Variants in A1CF observed in about 807,000 individuals in gnomAD.
The protein encoded by A1CF is APOBEC1 complementation factor.
A neutral mutation model predicts 68.9 loss-of-function variants in A1CF; 48 were observed. The observed-to-expected ratio is 0.70, with a 90% confidence interval of 0.55 to 0.89. The LOEUF (loss-of-function observed/expected upper bound fraction) is 0.89, where lower values mean the gene tolerates loss of function less well. Among genes scored for constraint, A1CF ranks in the 40% least tolerant of loss-of-function variants. The pLI is 0.00. For synonymous variants in A1CF, 272 were observed against 260.4 expected, an observed-to-expected ratio of 1.04 and a Z score of -0.43; for missense variants, 653 against 718.9, an observed-to-expected ratio of 0.91 and a Z score of 1.05.
chr10:50,872,946 CTTTTTTTTTTTTTTTTTT>C (rs34770362), intron 1 of A1CF, among the ~76,000 whole-genome samples: 1 of 67,290 alleles, frequency 1.5e-5, no homozygotes, highest in Non-Finnish European at 2.8e-5. Flanking sequence ...ATTTAAGTTC[CTTTTTTTTTTTTTTTTTT>C]TTTTTTTTTG....
At chr10:50,830,751 A>G (rs1272569352) in intron 6 of A1CF, among the ~76,000 whole-genome samples, 2 of 152,218 alleles carry the variant, frequency 1.3e-5, no homozygotes, top group African/African-American at 4.8e-5. Context: ...TTTTTCACAG[A>G]AATAGAAAAT....
At chr10:50,879,093 A>G (rs1393870693) in intron 1 of A1CF, among the ~76,000 whole-genome samples, 1 of 152,130 alleles carries the variant, frequency 6.6e-6, no homozygotes, top group Admixed American at 6.5e-5. Flanking sequence ...CATCCCAACT[A>G]ATTTGTATTT....
chr10:50,859,389 A>C (rs1171305047), intron 3 of A1CF, among the ~76,000 whole-genome samples: 1 of 152,220 alleles, frequency 6.6e-6, no homozygotes, highest in Non-Finnish European at 1.5e-5. Flanking sequence ...TGGATGAGCA[A>C]GTGTTCTGAG....
intron 3 of A1CF, among the ~76,000 whole-genome samples, chr10:50,853,505 C>T (rs905161787): frequency 6.6e-6 from 1 of 152,006 alleles, no homozygotes; most frequent in Non-Finnish European, 1.5e-5. Flanking sequence ...AATTTTCTAT[C>T]TTTTCTATGA....
rs1284474296 is a variant in A1CF at position 50,836,172 on chromosome 10, T to G, written c.506A>C (p.Tyr169Ser). Residue 169 changes from tyrosine (Y) to serine (S), a missense_variant, in exon 6 of 13, where the codon TAC (tyrosine) becomes TCC (serine). Tyr to Ser is a moderately radical substitution (Grantham distance 144, BLOSUM62 -2). Coordinates refer to ENST00000373997, the MANE Select transcript of A1CF (RefSeq NM_014576.4). ...TTTGGTTTTATCTGCAGCGCTTGGG[T>G]AGACGATGACATCGACAACACCTTC... Reference protein sequence around the residue: ...VTEGVVDVIVYPSAADKTKNR... With the variant: ...VTEGVVDVIVSPSAADKTKNR... 6.2e-7 allele frequency: 1 copy of G among 1,613,986 alleles called. No individual in the cohort carries two copies. The highest frequency in any genetic ancestry group is 2.2e-5 in the East Asian group (1 of 44,864).
intron 1 of A1CF, among the ~76,000 whole-genome samples, chr10:50,869,120 G>C (rs920944538): frequency 6.6e-6 from 1 of 151,732 alleles, no homozygotes; most frequent in African/African-American, 2.4e-5. Flanking sequence ...ATCTGCACTT[G>C]TATCCCTGAA....
At chr10:50,860,740 T>G (rs150475317) in intron 2 of A1CF, among the ~76,000 whole-genome samples, 5 of 152,352 alleles carry the variant, frequency 3.3e-5, no homozygotes, top group African/African-American at 1.2e-4. Context: ...ACATTTTCTA[T>G]TTTGGGAACA....
At chr10:50,815,344 A>G (rs560656590) in intron 9 of A1CF, among the ~76,000 whole-genome samples, 2 of 152,358 alleles carry the variant, frequency 1.3e-5, no homozygotes, top group African/African-American at 4.8e-5. Flanking sequence ...TACAGGATTC[A>G]AATGTGAAAT....
At chr10:50,845,859 C>T (rs558212739) in intron 3 of A1CF, among the ~76,000 whole-genome samples, 10 of 150,470 alleles carry the variant, frequency 6.6e-5, no homozygotes, top group Non-Finnish European at 1.2e-4. Flanking sequence ...GAGTCTGAGG[C>T]ATGAGAATCA....
intron 3 of A1CF, among the ~76,000 whole-genome samples, chr10:50,857,963 C>T (rs758751888): frequency 6.6e-6 from 1 of 152,188 alleles, no homozygotes; most frequent in Non-Finnish European, 1.5e-5. Context: ...ACCTGTCAGG[C>T]CTGAGAGCCC....
Position 50,813,997 on chromosome 10 carries a change from C to A in A1CF, c.1183G>T (p.Ala395Ser). ...TATCCTCGACCCAGGCCTGTGTATGCCAAATAGCCACGGCCGCCCAGTCCT... is the reference window on the plus strand; with the variant it reads ...TATCCTCGACCCAGGCCTGTGTATGACAAATAGCCACGGCCGCCCAGTCCT... ...VRGLGGRGYL[A>S]YTGLGRGYQV... The change falls in exon 10 of 13, where the codon GCA becomes TCA. Residue 395 changes from alanine to serine, a missense_variant. Transcript: ENST00000373997. 6.2e-7 allele frequency: 1 copy of A among 1,613,788 alleles called. No individual in the cohort carries two copies. The highest frequency in any genetic ancestry group is 1.1e-5 in the South Asian group (1 of 91,076).
Position 50,831,882 on chromosome 10 carries a change from TGGTA to T in A1CF, c.605-3591_605-3588del, listed in dbSNP as rs369180826. 3.5e-4 allele frequency among the ~76,000 whole-genome samples: 53 copies of T among 152,260 alleles called. 2 individuals are homozygous for T. In the South Asian group the frequency reaches 9.9e-3, roughly 29 times the overall value. ...CTAAAATGAGTTATCACCTCACACC[TGGTA>T]GAATGGCCATTATCAAAAAGATCAA... On this transcript the variant is annotated intron_variant, in intron 6 of 12. Transcript: ENST00000373997.
intron 9 of A1CF, among the ~76,000 whole-genome samples, chr10:50,815,334 TA>T (rs1838313004): frequency 6.6e-6 from 1 of 152,218 alleles, no homozygotes. Context: ...TTAGAATTCT[TA>T]CAGGATTCAA....
intron 2 of A1CF, among the ~76,000 whole-genome samples, chr10:50,860,683 G>T (rs574285836): frequency 2.0e-5 from 3 of 152,144 alleles, no homozygotes; most frequent in Non-Finnish European, 4.4e-5. Context: ...ATATGTTCAC[G>T]TTTGTGTGTA....
At chr10:50,859,770 C>G in intron 3 of A1CF, 72 bp downstream of exon 3, 1 of 1,371,990 alleles carries the variant, frequency 7.3e-7, no homozygotes, top group Non-Finnish European at 1.0e-6. Flanking sequence ...CATTTTGCAT[C>G]TTAGGACCTC....
chr10:50,852,338 A>G (rs1840285040), intron 3 of A1CF, among the ~76,000 whole-genome samples: 1 of 152,160 alleles, frequency 6.6e-6, no homozygotes, highest in Non-Finnish European at 1.5e-5. Context: ...AGTTCCCACA[A>G]ATGTTGGGCA....
At chr10:50,843,349 C>A (rs1420638175) in intron 4 of A1CF, among the ~76,000 whole-genome samples, 1 of 152,170 alleles carries the variant, frequency 6.6e-6, no homozygotes, top group Non-Finnish European at 1.5e-5. Flanking sequence ...TGTTAACACA[C>A]ACACACAAAA....
Position 50,847,261 on chromosome 10 carries a change from G to A in A1CF, c.100-3139C>T, listed in dbSNP as rs115501965. 3.4e-3 allele frequency among the ~76,000 whole-genome samples: 512 copies of A among 152,186 alleles called. 3 individuals carry two copies. The highest frequency in any genetic ancestry group is 0.011 in the African/African-American group (462 of 41,514). ...TTATTTTTCCAAAGACTTACAAACC[G>A]TTGTCTCTCTAGAGTCATATACAAA... is the stretch of plus-strand genomic sequence containing the variant. On this transcript the variant is annotated intron_variant, in intron 3 of 12. Transcript: ENST00000373997.
At chr10:50,862,742 A>T (rs1255084410) in intron 2 of A1CF, 1 of 152,240 alleles carries the variant, frequency 6.6e-6, no homozygotes, top group Non-Finnish European at 1.5e-5. Context: ...TTTCAGATAA[A>T]AATTAACTCT....
Sources: allele counts gnomAD v4.1 joint callset (sites outside exome capture counted in the v4.1 genomes callset), GRCh38; gene constraint gnomAD v4.1.1; transcripts MANE v1.5; gene names NCBI Gene and HGNC (gene_info 2026-07-23, HGNC 2026-07-21).